PTPRE: variants seen among roughly 807,000 people sequenced by gnomAD.
The protein encoded by PTPRE is protein tyrosine phosphatase receptor type E.
Under a neutral mutation model 102.0 loss-of-function variants are expected in PTPRE, and 51 were observed. The observed-to-expected ratio is 0.50, with a 90% confidence interval of 0.40 to 0.63. The LOEUF (loss-of-function observed/expected upper bound fraction) is 0.63, where lower values mean the gene tolerates loss of function less well. Ranked by LOEUF, PTPRE falls within the 30% of genes least tolerant of loss-of-function variation. PTPRE has a pLI of 0.00. For synonymous variants in PTPRE, 345 were observed against 348.2 expected (o/e 0.99, Z 0.10); for missense variants, 752 against 915.1 (o/e 0.82, Z 2.30).
intron 20 of PTPRE, among the ~76,000 whole-genome samples, chr10:128,080,923 C>T (rs987852118): frequency 6.6e-6 from 1 of 152,206 alleles, no homozygotes; most frequent in Admixed American, 6.5e-5. Context: ...AGGTGCCTTA[C>T]AGATGTCTTT....
chr10:127,955,160 A>G (rs1243600674), intron 1 of PTPRE, among the ~76,000 whole-genome samples: 2 of 152,176 alleles, frequency 1.3e-5, no homozygotes, highest in East Asian at 1.9e-4. Flanking sequence ...ATTAAGGTCA[A>G]TTGGAAGTTA....
chr10:127,991,727 G>A (rs773830645), intron 2 of PTPRE, among the ~76,000 whole-genome samples: 3 of 152,140 alleles, frequency 2.0e-5, no homozygotes, highest in Admixed American at 6.5e-5. Flanking sequence ...TACAGTGTTC[G>A]CAGGGTCTCA....
rs1849255591 is a variant in PTPRE, at chr10:127,954,424, A to G, written c.-30-27850A>G. On this transcript the variant is annotated intron_variant, in intron 1 of 20. Transcript: ENST00000254667. ...TTCCTTACTGGAATAGACACTCTGG[A>G]TATGGATATGCTTCTTCCACAGCTA... 2.0e-5 allele frequency among the ~76,000 whole-genome samples: 3 copies of G among 152,192 alleles called. No individual in the cohort carries two copies. In the South Asian group the frequency reaches 6.2e-4, roughly 31 times the overall value.
rs193142597 is a variant in PTPRE at position 128,046,862 on chromosome 10, G to A, written c.110-528G>A. Among the ~76,000 whole-genome samples, 417 of 152,242 alleles carry A rather than the reference G, an allele frequency of 2.7e-3. 2 individuals carry two copies. The highest frequency in any genetic ancestry group is 9.5e-3 in the African/African-American group (393 of 41,550). Reference sequence around the variant, plus strand: ...AGAGGCCGGTGGTGGCTGGGCACTCGGCCTCTGACAGGTGGAATCGGGACC... The same window carrying A: ...AGAGGCCGGTGGTGGCTGGGCACTCAGCCTCTGACAGGTGGAATCGGGACC... On this transcript the variant is annotated intron_variant, in intron 3 of 20. Transcript: ENST00000254667.
At chr10:127,964,778 G>GA in intron 1 of PTPRE, 1 of 238,078 alleles carries the variant, frequency 4.2e-6, no homozygotes, top group Non-Finnish European at 8.5e-6. Flanking sequence ...TAATGATTTT[G>GA]AAAAAAATCT....
At chr10:127,952,854 C>T (rs1021557505) in intron 1 of PTPRE, among the ~76,000 whole-genome samples, 3 of 152,126 alleles carry the variant, frequency 2.0e-5, no homozygotes, top group Admixed American at 1.3e-4. Flanking sequence ...GCCTAGAGAG[C>T]ATGAAGTAGC....
At chr10:127,987,267 C>T (rs767776405) in intron 2 of PTPRE, 68 of 1,118,498 alleles carry the variant, frequency 6.1e-5, no homozygotes, top group South Asian at 1.8e-4. Context: ...ACTCATGTCT[C>T]GTCACCGTGT....
intron 9 of PTPRE, 90 bp downstream of exon 9, chr10:128,061,805 T>C: frequency 6.8e-7 from 1 of 1,460,120 alleles, no homozygotes; most frequent in Non-Finnish European, 9.2e-7. Context: ...CAAGGACTTA[T>C]ACTGGATTTG....
intron 12 of PTPRE, 106 bp from the exon 13 acceptor site, chr10:128,069,582 AAAAC>A (rs1850580096): frequency 6.8e-7 from 1 of 1,478,282 alleles, no homozygotes; most frequent in Non-Finnish European, 9.1e-7. Context: ...ATTAACCAAA[AAAAC>A]AAAAAGTTGC....
intron 7 of PTPRE, among the ~76,000 whole-genome samples, chr10:128,059,918 T>C (rs1849372911): frequency 6.7e-6 from 1 of 148,256 alleles, no homozygotes; most frequent in Admixed American, 6.9e-5. Context: ...CCCTGACGTG[T>C]GTGTACACAC....
In PTPRE at chr10:128,070,208, GAAGA is replaced by G; in HGVS notation, c.1144-89_1144-86del. 1 of 1,442,428 alleles carries G rather than the reference GAAGA, an allele frequency of 6.9e-7. No individual in the cohort carries two copies. The highest frequency in any genetic ancestry group is 9.3e-7 in the Non-Finnish European group (1 of 1,070,500). 89.4% of individuals were successfully genotyped at this position (1,442,428 alleles called of 1,614,324 possible). On this transcript the variant is annotated intron_variant, in intron 13 of 20. Transcript: ENST00000254667. This position sits in a 1 kb window ranked among gnomAD's most constrained non-coding sequence, Gnocchi z 4.8. The stretch of plus-strand genomic sequence containing the variant: ...CCTTGTGTTGGCAAAAAGAGAAAAA[GAAGA>G]AAGCCGCCCTCTTTGGTCTGCCAAG...
At chr10:128,053,322 T>C (rs759085290) in intron 6 of PTPRE, among the ~76,000 whole-genome samples, 2 of 152,042 alleles carry the variant, frequency 1.3e-5, no homozygotes, top group Non-Finnish European at 2.9e-5. Context: ...CACAAACAAT[T>C]TGGACAATTT....
intron 16 of PTPRE, among the ~76,000 whole-genome samples, 195 bp from the exon 17 acceptor site, chr10:128,073,141 GT>G (rs1047483933): frequency 9.9e-5 from 15 of 152,204 alleles, no homozygotes; most frequent in African/African-American, 3.6e-4. Context: ...GGCCGTTATG[GT>G]TTCAGATAAG....
Position 128,001,639 on chromosome 10 carries a change from G to C in PTPRE, c.-8+19343G>C, listed in dbSNP as rs1255704179. ...GGGCTGGCAGCTGCTCAGGTCCCCT[G>C]TTCCTGGAGGAAACTCCTCATAGAG... On this transcript the variant is annotated intron_variant, in intron 2 of 20. Transcript: ENST00000254667. Among the ~76,000 whole-genome samples the C allele has an allele frequency of 5.9e-5, 9 of 152,274 alleles. No homozygotes were observed. The East Asian group carries it at 9.6e-4, about 16-fold the overall frequency.
chr10:127,961,904 G>C (rs1849844913), intron 1 of PTPRE, among the ~76,000 whole-genome samples: 1 of 152,170 alleles, frequency 6.6e-6, no homozygotes, highest in Admixed American at 6.5e-5. Context: ...TGAATGAGTG[G>C]ATAGATGAGT....
rs542213693 is a variant in PTPRE at position 128,028,163 on chromosome 10, A to G, written c.-7-12712A>G. Among the ~76,000 whole-genome samples the G allele has an allele frequency of 3.3e-5, 5 of 152,300 alleles. No homozygotes were observed. In the South Asian group the frequency reaches 1.0e-3, roughly 32 times the overall value. On this transcript the variant is annotated intron_variant, in intron 2 of 20. Transcript: ENST00000254667. The surrounding 1 kb of genome is among the most constrained non-coding windows in gnomAD (Gnocchi z 4.5). ...CCAGCCTGCGGCAGACACATTATTC[A>G]CAGAACTTTCTCCAAAGGAGGTTAG...
intron 2 of PTPRE, among the ~76,000 whole-genome samples, chr10:128,026,912 G>A (rs199612190): frequency 5.4e-4 from 82 of 152,340 alleles, no homozygotes; most frequent in African/African-American, 1.9e-3. Context: ...CTTGGAAAAT[G>A]TCTGGATTTT....
At chr10:128,019,392 C>T (rs1208374416) in intron 2 of PTPRE, among the ~76,000 whole-genome samples, 6 of 152,208 alleles carry the variant, frequency 3.9e-5, no homozygotes, top group African/African-American at 1.2e-4. Context: ...GCTGTTTTTG[C>T]GGGGTCACTG....
At chr10:127,966,858 G>T (rs925114701) in intron 1 of PTPRE, among the ~76,000 whole-genome samples, 2 of 152,064 alleles carry the variant, frequency 1.3e-5, no homozygotes, top group African/African-American at 4.8e-5. Flanking sequence ...AAGTCTCAAG[G>T]TCATCCATAT....
Sources: allele counts gnomAD v4.1 joint callset (sites outside exome capture counted in the v4.1 genomes callset), GRCh38; gene constraint gnomAD v4.1.1; non-coding constraint Gnocchi (gnomAD v3.1); transcripts MANE v1.5; gene names NCBI Gene and HGNC (gene_info 2026-07-23, HGNC 2026-07-21).